NRXN3: variants seen among roughly 807,000 people sequenced by gnomAD.
The protein encoded by NRXN3 is neurexin 3, also known as neurexin III.
In NRXN3, 32 loss-of-function variants were observed where a neutral mutation model predicts 137.6. The observed-to-expected ratio is 0.23, with a 90% CI of 0.18 to 0.31. The LOEUF (loss-of-function observed/expected upper bound fraction) is 0.31. Among genes scored for constraint, NRXN3 ranks in the 10% least tolerant of loss-of-function variants. NRXN3 has a pLI of 1.00. For synonymous variants in NRXN3, 798 were observed against 784.5 expected, an observed-to-expected ratio of 1.02 and a Z score of -0.29; for missense variants, 1,574 against 2,062.5, an observed-to-expected ratio of 0.76 and a Z score of 4.59.
At chr14:78,699,743 A>G (rs1286971582) in intron 6 of NRXN3, among the ~76,000 whole-genome samples, 2 of 152,032 alleles carry the variant, frequency 1.3e-5, no homozygotes, top group African/African-American at 4.8e-5. Context: ...TGTAACTTTT[A>G]CTCTACTGGA....
chr14:79,434,567 G>C (rs759370581), intron 15 of NRXN3, among the ~76,000 whole-genome samples: 2 of 152,194 alleles, frequency 1.3e-5, no homozygotes, highest in Non-Finnish European at 2.9e-5. Context: ...GTGCAGGTAC[G>C]ATGGCGTATT....
At chr14:79,460,347 C>T (rs1326978355) in intron 15 of NRXN3, among the ~76,000 whole-genome samples, 1 of 152,172 alleles carries the variant, frequency 6.6e-6, no homozygotes, top group African/African-American at 2.4e-5. Flanking sequence ...GAATGGCTCT[C>T]TTCCATGGTA....
intron 15 of NRXN3, among the ~76,000 whole-genome samples, chr14:79,379,390 C>T (rs1317698104): frequency 3.3e-5 from 5 of 152,048 alleles, no homozygotes; most frequent in African/African-American, 4.8e-5. Flanking sequence ...AGTGTTGGTG[C>T]CAGGTGAGTA....
At chr14:79,157,746 T>C (rs2060383551) in intron 15 of NRXN3, among the ~76,000 whole-genome samples, 1 of 151,814 alleles carries the variant, frequency 6.6e-6, no homozygotes, top group Non-Finnish European at 1.5e-5. Flanking sequence ...GTTAGACTGG[T>C]GAGAGAACTC....
intron 15 of NRXN3, among the ~76,000 whole-genome samples, chr14:79,059,867 T>C (rs1455634312): frequency 6.6e-6 from 1 of 152,222 alleles, no homozygotes. Context: ...TGCGTCCCTC[T>C]TCTGAATCCC....
chr14:79,053,590 G>A (rs1444560185), intron 15 of NRXN3, among the ~76,000 whole-genome samples: 2 of 151,084 alleles, frequency 1.3e-5, no homozygotes, highest in Non-Finnish European at 2.9e-5. Context: ...TTTTGTATGT[G>A]AGTATTGTGC....
chr14:79,142,009 A>T (rs1015704000), intron 15 of NRXN3, among the ~76,000 whole-genome samples: 4 of 152,342 alleles, frequency 2.6e-5, no homozygotes, highest in African/African-American at 9.6e-5. Context: ...GATGAAGTAC[A>T]TATAAAGTAC....
chr14:79,491,495 G>A lies in NRXN3; in HGVS notation c.3444+24093G>A, dbSNP rs1240266869. On this transcript the variant is annotated intron_variant, in intron 16 of 20. Coordinates refer to ENST00000335750, the MANE Select transcript of NRXN3 (RefSeq NM_001330195.2). ...CAGGTACATTCTGGGGAAACCATTA[G>A]TGCTTAGTTGGTAAAATCTTGAGAC... Among the ~76,000 whole-genome samples the A allele has an allele frequency of 2.0e-5, 3 of 152,130 alleles. No homozygotes were observed. In the East Asian group the frequency reaches 5.8e-4, roughly 29 times the overall value.
At chr14:78,505,147 G>A (rs1481324060) in intron 4 of NRXN3, among the ~76,000 whole-genome samples, 1 of 151,940 alleles carries the variant, frequency 6.6e-6, no homozygotes, top group Non-Finnish European at 1.5e-5. Flanking sequence ...TGATTTCCTA[G>A]GCCTTACCAA....
intron 15 of NRXN3, chr14:79,280,388 G>A: frequency 6.2e-7 from 1 of 1,614,070 alleles, no homozygotes; most frequent in Non-Finnish European, 8.5e-7. Flanking sequence ...CGTCAGCTCT[G>A]TATGGAGTTC....
chr14:78,581,344 C>T (rs917629018), intron 4 of NRXN3, among the ~76,000 whole-genome samples: 5 of 152,164 alleles, frequency 3.3e-5, no homozygotes, highest in African/African-American at 9.7e-5. Flanking sequence ...GGTGCTGGCA[C>T]GTTTCATGTC....
At chr14:78,948,265 C>T (rs1597763595) in intron 10 of NRXN3, among the ~76,000 whole-genome samples, 1 of 152,202 alleles carries the variant, frequency 6.6e-6, no homozygotes, top group African/African-American at 2.4e-5. Context: ...ATGAATGCCT[C>T]CCAGGATTTT....
intron 10 of NRXN3, among the ~76,000 whole-genome samples, chr14:78,946,112 A>T (rs7144101): frequency 2.0e-5 from 3 of 152,130 alleles, no homozygotes; most frequent in Non-Finnish European, 4.4e-5. Flanking sequence ...GATTGACGTG[A>T]GTATTAAGTA....
chr14:78,241,219 T>C (rs2067039111), intron 1 of NRXN3, among the ~76,000 whole-genome samples: 1 of 152,248 alleles, frequency 6.6e-6, no homozygotes, highest in Admixed American at 6.5e-5. Context: ...TTGCTCACTC[T>C]ATAGCCATAC....
intron 1 of NRXN3, among the ~76,000 whole-genome samples, chr14:78,188,341 G>T (rs527605437): frequency 6.6e-6 from 1 of 152,282 alleles, no homozygotes; most frequent in African/African-American, 2.4e-5. Context: ...CCAGGTCAAG[G>T]TTACCTCCCA....
intron 1 of NRXN3, among the ~76,000 whole-genome samples, chr14:78,230,240 G>T (rs1202200540): frequency 1.3e-5 from 2 of 151,728 alleles, no homozygotes; most frequent in African/African-American, 4.8e-5. Flanking sequence ...GTCCAGGCTG[G>T]TCTCAAACTC....
intron 4 of NRXN3, among the ~76,000 whole-genome samples, chr14:78,526,991 GA>G (rs2096390092): frequency 1.3e-5 from 2 of 152,168 alleles, no homozygotes; most frequent in South Asian, 4.1e-4. Context: ...GTGGCAATGA[GA>G]AACAGAATTC....
chr14:78,173,949 T>TG (rs2059016357), intron 1 of NRXN3, among the ~76,000 whole-genome samples: 1 of 151,926 alleles, frequency 6.6e-6, no homozygotes, highest in South Asian at 2.1e-4. Flanking sequence ...CATCTTTGCA[T>TG]GGGGACTGCG....
chr14:79,389,267 T>C (rs2094757628), intron 15 of NRXN3, among the ~76,000 whole-genome samples: 1 of 152,202 alleles, frequency 6.6e-6, no homozygotes, highest in African/African-American at 2.4e-5. Context: ...ATCAGTTGGG[T>C]GGCATCTGGC....
Sources: allele counts gnomAD v4.1 joint callset (sites outside exome capture counted in the v4.1 genomes callset), GRCh38; gene constraint gnomAD v4.1.1; transcripts MANE v1.5; gene names NCBI Gene and HGNC (gene_info 2026-07-23, HGNC 2026-07-21).